Variants in CFAP46 observed in about 807,000 individuals in gnomAD.
CFAP46 encodes cilia- and flagella-associated protein 46.
CFAP46 carries 245 observed loss-of-function variants against 325.7 expected under a neutral mutation model. That is an observed-to-expected ratio of 0.75 (90% CI 0.68 to 0.84). The LOEUF is 0.84. Among genes scored for constraint, CFAP46 ranks in the 40% least tolerant of loss-of-function variants. The pLI, the probability that CFAP46 is intolerant of heterozygous loss-of-function variation, is 0.00. For missense variants in CFAP46, 3,346 were observed against 3,543.0 expected, an observed-to-expected ratio of 0.94 and a Z score of 1.41; for synonymous variants, 1,523 against 1,495.9, an observed-to-expected ratio of 1.02 and a Z score of -0.42.
At position 132,828,242 on chromosome 10, in the gene CFAP46, C is replaced by A. The variant is rs1417139388; in HGVS notation, c.7117+5116G>T. 1.3e-5 allele frequency among the ~76,000 whole-genome samples: 2 copies of A among 152,228 alleles called. No individual in the cohort carries two copies. Among genetic ancestry groups the A allele is most frequent in the Non-Finnish European group, 2.9e-5 (2 of 68,042 alleles). The stretch of plus-strand genomic sequence containing the variant: ...GATGGAGTGGAATGACTGCGGCATA[C>A]AACAGGCCTGCTTTAACTTCTTAAG... On this transcript the variant is annotated intron_variant, in intron 50 of 57. Transcript: ENST00000368586. The surrounding 1 kb of genome is among the most constrained non-coding windows in gnomAD (Gnocchi z 4.9).
At chr10:132,854,533 T>A (rs1160084814) in intron 39 of CFAP46, among the ~76,000 whole-genome samples, 1 of 152,150 alleles carries the variant, frequency 6.6e-6, no homozygotes, top group Non-Finnish European at 1.5e-5. Flanking sequence ...GAGATGGGGT[T>A]TCACCATGTT....
chr10:132,862,198 G>A (rs1416945806), intron 35 of CFAP46, among the ~76,000 whole-genome samples: 1 of 152,196 alleles, frequency 6.6e-6, no homozygotes, highest in Admixed American at 6.5e-5. Flanking sequence ...CCTGGCAGGG[G>A]GCTGCAGGCC....
In CFAP46 at chr10:132,889,559, C is replaced by T. The variant is rs1014143246; in HGVS notation, c.3304+2774G>A. Reference sequence around the variant, plus strand: ...TGAACTTGGAAACCACACATAGGGTCGCAGGGAGTCCTCTTCAATCCTGCC... The same window carrying T: ...TGAACTTGGAAACCACACATAGGGTTGCAGGGAGTCCTCTTCAATCCTGCC... On this transcript the variant is annotated intron_variant, in intron 25 of 57. Coordinates refer to ENST00000368586, the MANE Select transcript of CFAP46 (RefSeq NM_001200049.3). This position sits in a 1 kb window ranked among gnomAD's most constrained non-coding sequence, Gnocchi z 6.0. Among the ~76,000 whole-genome samples, 11 of 152,290 alleles carry T rather than the reference C, an allele frequency of 7.2e-5. No individual in the cohort carries two copies. The highest frequency in any genetic ancestry group is 2.4e-4 in the African/African-American group (10 of 41,544).
At chr10:132,898,533 C>T (rs1262362365) in intron 24 of CFAP46, 1 of 324,968 alleles carries the variant, frequency 3.1e-6, no homozygotes, top group African/African-American at 2.2e-5. Flanking sequence ...CCCACTCTGC[C>T]TTAAGCCGCC....
In CFAP46 at chr10:132,922,210, T is replaced by C. The variant is rs1849734993; in HGVS notation, c.1500A>G (p.Thr500=). The C allele has an allele frequency of 6.5e-7, 1 of 1,549,960 alleles. No individual in the cohort carries two copies. The highest frequency in any genetic ancestry group is 8.7e-7 in the Non-Finnish European group (1 of 1,146,550). The change falls in exon 13 of 58, where the codon ACA becomes ACG. Residue 500 remains threonine (T), a synonymous_variant. Transcript: ENST00000368586. ...IMAVEQAKKA[T]PKDSVRKKRA... ...GCTTCTTCCTGACGCTGTCCTTTGG[T>C]GTAGCTTTTTTTGCCTGTGAAAAGC... is the stretch of plus-strand genomic sequence containing the variant.
rs1450674442 is a variant in CFAP46, at chr10:132,808,708, G to A, written c.7861C>T (p.Pro2621Ser). Residue 2621 changes from proline to serine, a missense_variant, in exon 58 of 58, where the codon CCC becomes TCC. Physicochemically the swap from Pro to Ser is moderately conservative, Grantham distance 74. Transcript: ENST00000368586. The surrounding 1 kb of genome is among the most constrained non-coding windows in gnomAD (Gnocchi z 6.8). ...CTGGGGATGGGAGCCGGGAGGTGGG[G>A]ATGGGTTGGCAGAGGGGCAGAGCCA... ...ALGSAPLPTH[P>S]HLPAPIPSSQ... is the part of the protein sequence containing the mutation. The A allele has an allele frequency of 2.5e-6, 4 of 1,569,120 alleles. No homozygotes were observed. In the African/African-American group the frequency reaches 5.4e-5, roughly 21 times the overall value.
chr10:132,918,670 G>A, intron 15 of CFAP46, 150 bp from the exon 16 acceptor site: 2 of 1,051,530 alleles, frequency 1.9e-6, no homozygotes, highest in South Asian at 4.1e-5. Context: ...GAGGTGGGCA[G>A]CTTGCCCAGG....
At chr10:132,839,496 G>C (rs1446646544) in intron 44 of CFAP46, among the ~76,000 whole-genome samples, 2 of 152,142 alleles carry the variant, frequency 1.3e-5, no homozygotes, top group African/African-American at 4.8e-5. Flanking sequence ...TCAGTCTCTT[G>C]GTTCTGTATT....
At chr10:132,908,392 T>C (rs1231518694) in intron 22 of CFAP46, 76 bp downstream of exon 22, 34 of 1,510,358 alleles carry the variant, frequency 2.3e-5, no homozygotes, top group Non-Finnish European at 2.4e-5. Context: ...ACCTGCTCCC[T>C]GATCTGTGAT....
At position 132,877,887 on chromosome 10, in the gene CFAP46, G is replaced by T. The variant is rs1240706166; in HGVS notation, c.4206C>A (p.Pro1402=). The stretch of plus-strand genomic sequence containing the variant: ...GTGGCCACTTGGGCATCACCTGCTT[G>T]GGCTCCTTGACTTTCTCCTCCTTTC... ...EKGKEEKVKE[P]KQSQSPAPIK... is the part of the protein sequence containing the mutation. Residue 1402 remains proline, a synonymous_variant, in exon 30 of 58, where the codon CCC becomes CCA. Transcript: ENST00000368586. The surrounding 1 kb of genome is among the most constrained non-coding windows in gnomAD (Gnocchi z 5.7). The T allele has an allele frequency of 6.5e-7, 1 of 1,547,254 alleles. No homozygotes were observed. The highest frequency in any genetic ancestry group is 8.7e-7 in the Non-Finnish European group (1 of 1,146,186).
chr10:132,900,535 T>C (rs1397357900), intron 22 of CFAP46, among the ~76,000 whole-genome samples: 3 of 152,272 alleles, frequency 2.0e-5, no homozygotes, highest in Non-Finnish European at 4.4e-5. Flanking sequence ...GCCAGGAATC[T>C]GCTTGCAGGA....
intron 25 of CFAP46, among the ~76,000 whole-genome samples, chr10:132,887,517 CTCCTCTCCTCTCTCCT>C (rs1405423592): frequency 3.0e-4 from 35 of 116,776 alleles, no homozygotes; most frequent in African/African-American, 1.1e-3. Flanking sequence ...TCCTCTCTCT[CTCCTCTCCTCTCTCCT>C]CTCCCCTCTT....
At chr10:132,920,539 G>T (rs190742355) in intron 13 of CFAP46, among the ~76,000 whole-genome samples, 3 of 152,354 alleles carry the variant, frequency 2.0e-5, no homozygotes, top group Admixed American at 6.5e-5. Context: ...CCCAGCCCCT[G>T]CGTAGCACCC....
chr10:132,876,869 A>G lies in CFAP46; in HGVS notation c.4305T>C (p.Ser1435=), dbSNP rs964168370. Residue 1435 remains serine (S), a synonymous_variant, in exon 31 of 58, where the codon TCT becomes TCC. Coordinates refer to ENST00000368586, the MANE Select transcript of CFAP46 (RefSeq NM_001200049.3). This position sits in a 1 kb window ranked among gnomAD's most constrained non-coding sequence, Gnocchi z 4.1. ...AGTCACTTCTGTCCTGTTTCAGTAC[A>G]GACAGCACTTCCTCGGGGCAGGAGT... ...ASYSCPEEVL[S]VLKQDRSDST... is the part of the protein sequence containing the mutation. The G allele has an allele frequency of 1.5e-5, 23 of 1,550,420 alleles. No individual in the cohort carries two copies. In the African/African-American group the frequency reaches 3.1e-4, roughly 21 times the overall value.
Position 132,941,080 on chromosome 10 carries a change from C to T in CFAP46, c.307-20G>A, listed in dbSNP as rs989495435. ...TTCCTCCTAAGGCAACATAAAGAAG[C>T]ACAATTAGACCGAAATACTGACCCC... On this transcript the variant is annotated intron_variant, in intron 3 of 57. Transcript: ENST00000368586. 4.3e-6 allele frequency: 7 copies of T among 1,613,524 alleles called. No individual in the cohort carries two copies. The Admixed American group carries it at 1.2e-4, about 27-fold the overall frequency.
intron 17 of CFAP46, among the ~76,000 whole-genome samples, chr10:132,913,590 C>T (rs1175266019): frequency 6.6e-6 from 1 of 152,218 alleles, no homozygotes; most frequent in Non-Finnish European, 1.5e-5. Context: ...ATCCCGCGAC[C>T]AGCCTCCACC....
Position 132,827,938 on chromosome 10 carries a change from C to G in CFAP46, c.7117+5420G>C, listed in dbSNP as rs139702540. 6.5e-4 allele frequency among the ~76,000 whole-genome samples: 99 copies of G among 152,188 alleles called. No individual in the cohort carries two copies. Among genetic ancestry groups the G allele is most frequent in the African/African-American group, 2.1e-3 (87 of 41,518 alleles). On this transcript the variant is annotated intron_variant, in intron 50 of 57. Transcript: ENST00000368586. This position sits in a 1 kb window ranked among gnomAD's most constrained non-coding sequence, Gnocchi z 5.7. ...CTTCTGAGTGAGCCCCGTCACCCCT[C>G]GGCGTAATCCTTCTGAGTGAGCCCC...
chr10:132,858,004 C>T (rs891510691), intron 38 of CFAP46, among the ~76,000 whole-genome samples: 25 of 152,332 alleles, frequency 1.6e-4, no homozygotes, highest in Admixed American at 1.4e-3. Context: ...ATTAAGTGTG[C>T]GCTTGAAGGA....
chr10:132,860,782 C>G lies in CFAP46; in HGVS notation c.5091G>C (p.Thr1697=), dbSNP rs78376398. The G allele has an allele frequency of 0.017, 26,473 of 1,550,722 alleles. 273 individuals are homozygous for G. Among genetic ancestry groups the G allele is most frequent in the Middle Eastern group, 0.024 (143 of 5,862 alleles). Residue 1697 remains threonine (T), a splice_region_variant and synonymous_variant, in exon 36 of 58, where the codon ACG becomes ACC. Transcript: ENST00000368586. The part of the protein sequence containing the change: ...LSMEHSGREA[T]VCHIFQKLIN... ...AGCCCCAGGTCCCCGTGCCTCTTAC[C>G]GTAGCTTCCCTTCCTGAGTGTTCCA...
Sources: allele counts gnomAD v4.1 joint callset (sites outside exome capture counted in the v4.1 genomes callset), GRCh38; gene constraint gnomAD v4.1.1; non-coding constraint Gnocchi (gnomAD v3.1); transcripts MANE v1.5; gene names NCBI Gene and HGNC (gene_info 2026-07-23, HGNC 2026-07-21).